Variants in DIP2A observed in about 807,000 individuals in gnomAD.
DIP2A encodes the protein disco-interacting protein 2 homolog A.
Under a neutral mutation model 177.4 loss-of-function variants are expected in DIP2A, and 85 were observed. The observed-to-expected ratio is 0.48, with a 90% confidence interval of 0.40 to 0.57. The LOEUF is 0.57. Ranked by LOEUF, DIP2A falls within the 20% of genes least tolerant of loss-of-function variation. The pLI is 0.00. For missense variants in DIP2A, 1,791 were observed against 2,100.2 expected, an observed-to-expected ratio of 0.85 and a Z score of 2.88; for synonymous variants, 886 against 881.8, an observed-to-expected ratio of 1.00 and a Z score of -0.08.
chr21:46,567,300 T>G (rs2060865008), intron 37 of DIP2A, 70 bp from the exon 38 acceptor site: 1 of 1,546,844 alleles, frequency 6.5e-7, no homozygotes, highest in Non-Finnish European at 8.7e-7. Flanking sequence ...TGCCACCCTT[T>G]CCCAAGCATT....
intron 6 of DIP2A, among the ~76,000 whole-genome samples, chr21:46,505,757 AC>A (rs781212751): frequency 2.8e-4 from 43 of 152,172 alleles, no homozygotes; most frequent in Non-Finnish European, 4.9e-4. Context: ...TCAGGCAGCC[AC>A]CGATTTACTT....
intron 35 of DIP2A, 42 bp from the exon 36 acceptor site, chr21:46,565,671 T>C: frequency 6.4e-7 from 1 of 1,569,622 alleles, no homozygotes. Context: ...CTGAACTCGG[T>C]GGTTGGTAAC....
chr21:46,551,237 T>C (rs1452382378), intron 23 of DIP2A, among the ~76,000 whole-genome samples: 1 of 152,254 alleles, frequency 6.6e-6, no homozygotes, highest in East Asian at 1.9e-4. Flanking sequence ...TCTTTGGTCC[T>C]GTTGATTTTT....
At chr21:46,565,622 G>C in intron 35 of DIP2A, 91 bp from the exon 36 acceptor site, 1 of 1,320,968 alleles carries the variant, frequency 7.6e-7, no homozygotes, top group Non-Finnish European at 1.0e-6. Context: ...GTGTTTTCTG[G>C]AGCATTATTC....
Position 46,537,051 on chromosome 21 carries a change from A to G in DIP2A, c.1643-173A>G, listed in dbSNP as rs1238060570. ...CTTCTACTTTTATGTGTTTCCAGTA[A>G]TTTGAATAGATAACCAGGATTATTA... is the stretch of plus-strand genomic sequence containing the variant. On this transcript the variant is annotated intron_variant, in intron 13 of 37. Transcript: ENST00000417564. The surrounding 1 kb of genome is among the most constrained non-coding windows in gnomAD (Gnocchi z 4.1). Among the ~76,000 whole-genome samples the G allele has an allele frequency of 1.3e-5, 2 of 152,144 alleles. No homozygotes were observed. The highest frequency in any genetic ancestry group is 4.8e-5 in the African/African-American group (2 of 41,420).
chr21:46,517,898 C>T (rs2058658555), intron 8 of DIP2A, among the ~76,000 whole-genome samples: 1 of 152,244 alleles, frequency 6.6e-6, no homozygotes, highest in Non-Finnish European at 1.5e-5. Flanking sequence ...GGTTTTCCCT[C>T]TCTGGAATCT....
chr21:46,511,680 C>G, intron 8 of DIP2A, 66 bp downstream of exon 8: 1 of 1,380,230 alleles, frequency 7.2e-7, no homozygotes, highest in East Asian at 2.6e-5. Context: ...CATAACACAG[C>G]ATAGACATAC....
intron 5 of DIP2A, among the ~76,000 whole-genome samples, chr21:46,502,750 A>G (rs1270763973): frequency 6.6e-6 from 1 of 151,962 alleles, no homozygotes; most frequent in African/African-American, 2.4e-5. Flanking sequence ...GTTGGCCCCT[A>G]TGTTGATTCT....
At chr21:46,459,280 A>G (rs1483163351) in intron 1 of DIP2A, 58 bp downstream of exon 1, 30 of 1,286,886 alleles carry the variant, frequency 2.3e-5, no homozygotes, top group African/African-American at 3.6e-5. Context: ...TCCCCCGCGC[A>G]GCCCCTCACT....
chr21:46,495,148 C>T (rs2057238293), intron 3 of DIP2A, among the ~76,000 whole-genome samples: 1 of 151,492 alleles, frequency 6.6e-6, no homozygotes, highest in African/African-American at 2.4e-5. Flanking sequence ...TCCCTCCCTT[C>T]CCTCCATCCC....
At chr21:46,548,210 T>TGTGTG (rs2060137110) in intron 21 of DIP2A, among the ~76,000 whole-genome samples, 3 of 130,018 alleles carry the variant, frequency 2.3e-5, no homozygotes, top group African/African-American at 9.1e-5. Flanking sequence ...GTGTGTGTGT[T>TGTGTG]TGTGTGCGCC....
At chr21:46,542,640 A>G (rs953021592) in intron 18 of DIP2A, among the ~76,000 whole-genome samples, 3 of 152,228 alleles carry the variant, frequency 2.0e-5, no homozygotes, top group African/African-American at 7.2e-5. Context: ...GGACACTGCC[A>G]CGTGGTCTGA....
Position 46,533,985 on chromosome 21 carries a change from T to C in DIP2A, c.1430-19T>C. On this transcript the variant is annotated intron_variant, in intron 11 of 37. Coordinates refer to ENST00000417564, the MANE Select transcript of DIP2A (RefSeq NM_015151.4). ...GCCTCTGACTGCTTGCTGTTCTGTGTCCTGTCTGTGTGTCACAGGTTGGCC... is the reference window on the plus strand; with the variant it reads ...GCCTCTGACTGCTTGCTGTTCTGTGCCCTGTCTGTGTGTCACAGGTTGGCC... The C allele has an allele frequency of 6.2e-7, 1 of 1,604,132 alleles. No homozygotes were observed. The highest frequency in any genetic ancestry group is 8.5e-7 in the Non-Finnish European group (1 of 1,173,194).
intron 32 of DIP2A, among the ~76,000 whole-genome samples, chr21:46,560,294 C>T (rs2097199795): frequency 6.6e-6 from 1 of 152,210 alleles, no homozygotes; most frequent in Admixed American, 6.5e-5. Context: ...GGCTGCCATC[C>T]ATCTCACCTG....
the DIP2A span, among the ~76,000 whole-genome samples, chr21:46,582,990 A>G: frequency 5.4e-3 from 816 of 152,244 alleles, 7 homozygotes; most frequent in African/African-American, 0.019. Context: ...ATAAGACCCA[A>G]CTATATGCTG....
At chr21:46,504,823 T>C (rs924907418) in intron 6 of DIP2A, among the ~76,000 whole-genome samples, 1 of 152,182 alleles carries the variant, frequency 6.6e-6, no homozygotes, top group East Asian at 1.9e-4. Flanking sequence ...TTAGATTCAA[T>C]GTGGCAGACA....
intron 2 of DIP2A, among the ~76,000 whole-genome samples, chr21:46,489,596 C>T (rs962909904): frequency 6.6e-6 from 1 of 152,212 alleles, no homozygotes; most frequent in Non-Finnish European, 1.5e-5. Flanking sequence ...TGCCACACTG[C>T]GCTTGTTGGG....
In DIP2A at chr21:46,499,320, G is replaced by A. The variant is rs145659026; in HGVS notation, c.655+487G>A. On this transcript the variant is annotated intron_variant, in intron 5 of 37. Transcript: ENST00000417564. Reference sequence around the variant, plus strand: ...TCATAACACCTTCCTGCTCTTGAGGGGAAGCTGGTGCATGCAGTAGGTGCA... The same window carrying A: ...TCATAACACCTTCCTGCTCTTGAGGAGAAGCTGGTGCATGCAGTAGGTGCA... Among the ~76,000 whole-genome samples the A allele has an allele frequency of 9.9e-4, 150 of 152,280 alleles. 2 individuals carry two copies. The highest frequency in any genetic ancestry group is 3.4e-3 in the African/African-American group (140 of 41,554).
the DIP2A span, among the ~76,000 whole-genome samples, chr21:46,579,594 C>T: frequency 6.6e-6 from 1 of 152,162 alleles, no homozygotes; most frequent in Non-Finnish European, 1.5e-5. Context: ...GCATTTAGTG[C>T]TATAAATTTT....
Sources: gnomAD v4.1 joint callset for allele counts (sites outside exome capture counted in the v4.1 genomes callset) on GRCh38, gnomAD v4.1.1 for gene constraint, Gnocchi (gnomAD v3.1) non-coding constraint, MANE v1.5 for transcripts, NCBI Gene and HGNC (gene_info 2026-07-23, HGNC 2026-07-21) for gene names.